Variants in DNAJB1 observed in about 807,000 individuals in gnomAD.
DNAJB1 encodes dnaJ homolog subfamily B member 1.
A neutral mutation model predicts 24.0 loss-of-function variants in DNAJB1; 14 were observed. The ratio of observed to expected loss-of-function variants is 0.58; its 90% CI spans 0.39 to 0.91. The LOEUF (loss-of-function observed/expected upper bound fraction) is 0.91. Among genes scored for constraint, DNAJB1 ranks in the 40% least tolerant of loss-of-function variants. The pLI, the probability that DNAJB1 is intolerant of heterozygous loss-of-function variation, is 0.00. For synonymous variants in DNAJB1, 262 were observed against 174.4 expected (o/e 1.50, Z -3.96); for missense variants, 517 against 458.1 (o/e 1.13, Z -1.17).
chr19:14,543,558 C>T (rs899155021), intron 1 of DNAJB1, among the ~76,000 whole-genome samples: 1 of 144,626 alleles, frequency 6.9e-6, no homozygotes, highest in African/African-American at 2.6e-5. Context: ...CCTGCCTCAG[C>T]CTCCCGAGTA....
At chr19:14,550,330 G>C (rs1016461909) in exon 1 of DNAJB1, among the ~76,000 whole-genome samples, 1 of 152,142 alleles carries the variant, frequency 6.6e-6, no homozygotes, top group South Asian at 2.1e-4. Context: ...AGCCTGCCAC[G>C]TAGATCCCAG....
At chr19:14,539,680 C>T (rs1029124131) in intron 1 of DNAJB1, among the ~76,000 whole-genome samples, 1 of 152,140 alleles carries the variant, frequency 6.6e-6, no homozygotes, top group Non-Finnish European at 1.5e-5. Context: ...GCCCTAAGCA[C>T]ATGCTATTCC....
chr19:14,524,029 A>C (rs187188622), intron 2 of DNAJB1, among the ~76,000 whole-genome samples: 23 of 152,242 alleles, frequency 1.5e-4, no homozygotes, highest in African/African-American at 5.3e-4. Context: ...CTATCATTAC[A>C]CCCATTTTAC....
At chr19:14,518,806 C>G (rs1035633830), upstream of DNAJB1, among the ~76,000 whole-genome samples, 1 of 152,228 alleles carries the variant, frequency 6.6e-6, no homozygotes, top group Non-Finnish European at 1.5e-5. Context: ...GTCCTTTCCC[C>G]GGGAGGCGAT....
intron 1 of DNAJB1, among the ~76,000 whole-genome samples, chr19:14,539,292 C>T (rs1206896940): frequency 6.6e-6 from 1 of 151,892 alleles, no homozygotes; most frequent in Non-Finnish European, 1.5e-5. Flanking sequence ...CCACACCTGG[C>T]TGCAAGTCAC....
At position 14,515,724 on chromosome 19, in the gene DNAJB1, T is replaced by C. The variant is rs116207583; in HGVS notation, c.*216A>G. The C allele has an allele frequency of 6.6e-3, 3,451 of 524,170 alleles. 96 individuals are homozygous for C. The highest frequency in any genetic ancestry group is 0.058 in the African/African-American group (2,901 of 50,442). 32.5% of individuals were successfully genotyped at this position (524,170 alleles called of 1,614,324 possible). A position where few individuals can be genotyped will look rare whatever the true frequency, so the allele number is the denominator to read the frequency against. ...TGGGGCAGACTGGAATGCCTTTTCC[T>C]GCTGTTCCCACCACCTGATGCCCTA... On this transcript the variant is annotated 3_prime_UTR_variant, in exon 3 of 3. Transcript: ENST00000254322.
At chr19:14,558,462 G>T (rs1223448744) in intron 1 of DNAJB1, among the ~76,000 whole-genome samples, 1 of 152,232 alleles carries the variant, frequency 6.6e-6, no homozygotes, top group African/African-American at 2.4e-5. Context: ...TCTTGGCTCT[G>T]CCCTGACCTC....
chr19:14,556,919 C>G lies in DNAJB1; in HGVS notation c.-2165-2601G>C, dbSNP rs73927061. ...CTCGGCCTCTGCACCGAAAGTATCT[C>G]GCTATTGTTAGGGTTTGGGTTCACT... is the stretch of plus-strand genomic sequence containing the variant. On this transcript the variant is annotated intron_variant, in intron 1 of 5. Transcript: ENST00000679223. Among the ~76,000 whole-genome samples, 530 of 152,190 alleles carry G rather than the reference C, an allele frequency of 3.5e-3. 6 individuals carry two copies. Among genetic ancestry groups the G allele is most frequent in the African/African-American group, 0.012 (488 of 41,526 alleles).
chr19:14,545,739 A>G (rs1387493092), intron 1 of DNAJB1: 3 of 159,898 alleles, frequency 1.9e-5, no homozygotes, highest in African/African-American at 4.8e-5. Context: ...ACACCCCTGC[A>G]CACGGTTGAG....
At chr19:14,555,490 G>C (rs2073690945) in intron 1 of DNAJB1, among the ~76,000 whole-genome samples, 1 of 140,166 alleles carries the variant, frequency 7.1e-6, no homozygotes, top group Non-Finnish European at 1.5e-5. Context: ...CTATTGCCCA[G>C]GCTGGAGTGC....
chr19:14,515,625 C>T lies in DNAJB1; in HGVS notation c.*315G>A, dbSNP rs1190899480. 5.7e-6 allele frequency: 2 copies of T among 352,500 alleles called. No homozygotes were observed. Among genetic ancestry groups the T allele is most frequent in the Admixed American group, 4.9e-5 (1 of 20,302 alleles). 21.8% of individuals were successfully genotyped at this position (352,500 alleles called of 1,614,324 possible). On this transcript the variant is annotated 3_prime_UTR_variant, in exon 3 of 3. Transcript: ENST00000254322. ...GACACAGAGGGATCAAGTCCATCTGCTGGTCTGCCTCTCACCCCTGGCCAG... is the reference window on the plus strand; with the variant it reads ...GACACAGAGGGATCAAGTCCATCTGTTGGTCTGCCTCTCACCCCTGGCCAG...
intron 1 of DNAJB1, among the ~76,000 whole-genome samples, chr19:14,539,140 ATTTTTTTTTTTTTTT>A (rs57801378): frequency 1.1e-5 from 1 of 92,544 alleles, no homozygotes; most frequent in South Asian, 4.2e-4. Context: ...CGCCCGGCTA[ATTTTTTTTTTTTTTT>A]TTTTTTTTTT....
chr19:14,530,510 T>G (rs1313836946), upstream of DNAJB1: 1 of 152,234 alleles, frequency 6.6e-6, no homozygotes, highest in Non-Finnish European at 1.5e-5. Context: ...AAAATAACAA[T>G]TTAGCAAGTG....
rs2072233276 is a variant in DNAJB1 at position 14,515,113 on chromosome 19, C to T, written c.*827G>A. The T allele has an allele frequency of 6.6e-6, 1 of 152,582 alleles. No homozygotes were observed. The highest frequency in any genetic ancestry group is 1.5e-5 in the Non-Finnish European group (1 of 68,024). 9.5% of individuals were successfully genotyped at this position (152,582 alleles called of 1,614,324 possible). ...ATTGTATCTAGGGCTGTGCAAAATTCAAAAGGATCAGATCCCTTTGAAAGA... is the reference window on the plus strand; with the variant it reads ...ATTGTATCTAGGGCTGTGCAAAATTTAAAAGGATCAGATCCCTTTGAAAGA... On this transcript the variant is annotated 3_prime_UTR_variant, in exon 3 of 3. Coordinates refer to ENST00000254322, the MANE Select transcript of DNAJB1 (RefSeq NM_006145.3).
At chr19:14,551,269 T>G (rs1042826088), upstream of DNAJB1, among the ~76,000 whole-genome samples, 2 of 151,384 alleles carry the variant, frequency 1.3e-5, no homozygotes, top group African/African-American at 2.4e-5. Flanking sequence ...GAGATAGGGT[T>G]TCATCATGTT....
chr19:14,548,109 C>T (rs1362171873), intron 1 of DNAJB1, among the ~76,000 whole-genome samples: 1 of 151,806 alleles, frequency 6.6e-6, no homozygotes, highest in Non-Finnish European at 1.5e-5. Flanking sequence ...ACTACAGGCG[C>T]CCACCACCAT....
At position 14,516,703 on chromosome 19, in the gene DNAJB1, G is replaced by A. The variant is rs141093531; in HGVS notation, c.555C>T (p.Ile185=). 1.2e-5 allele frequency: 20 copies of A among 1,614,194 alleles called. No individual in the cohort carries two copies. In the African/African-American group the frequency reaches 2.3e-4, roughly 18 times the overall value. The change falls in exon 2 of 3, where the codon ATC becomes ATT. Residue 185 remains isoleucine (I), a synonymous_variant. Coordinates refer to ENST00000254322, the MANE Select transcript of DNAJB1 (RefSeq NM_006145.3). ...IYSGCTKKMK[I]SHKRLNPDGK... ...CGTCGGGGTTTAGCCGCTTGTGGGA[G>A]ATTTTCATCTTCTTGGTACAGCCGC...
At chr19:14,518,457 GC>G (rs1389760760), upstream of DNAJB1, 1 of 936,706 alleles carries the variant, frequency 1.1e-6, no homozygotes, top group Non-Finnish European at 1.4e-6. Context: ...GAGCCCGCCA[GC>G]CCCCTCCAGA....
At chr19:14,518,639 G>C (rs28384438), upstream of DNAJB1, among the ~76,000 whole-genome samples, 45,083 of 152,008 alleles carry the variant, frequency 0.3, 7,970 homozygotes, top group Non-Finnish European at 0.41. Flanking sequence ...CAGGTCGGAG[G>C]AGGCCCCGCC....
Sources: allele counts gnomAD v4.1 joint callset (sites outside exome capture counted in the v4.1 genomes callset), GRCh38; gene constraint gnomAD v4.1.1; transcripts MANE v1.5; gene names NCBI Gene and HGNC (gene_info 2026-07-23, HGNC 2026-07-21).